The following JAZF1 variants were observed in gnomAD, a reference collection of about 807,000 sequenced individuals.
JAZF1 encodes JAZF zinc finger 1.
A neutral mutation model predicts 26.4 loss-of-function variants in JAZF1; 8 were observed. That is an observed-to-expected ratio of 0.30 (90% CI 0.18 to 0.55). The LOEUF (loss-of-function observed/expected upper bound fraction) is 0.55. Among genes scored for constraint, JAZF1 ranks in the 20% least tolerant of loss-of-function variants. The probability of loss-of-function intolerance (pLI) is 0.94; values close to 1 mark genes in which losing one functional copy is unlikely to be tolerated. For synonymous variants in JAZF1, 126 were observed against 122.3 expected (o/e 1.03, Z -0.20); for missense variants, 199 against 322.0 (o/e 0.62, Z 2.92).
chr7:28,166,607 T>C (rs760104991), intron 1 of JAZF1, among the ~76,000 whole-genome samples: 1 of 152,262 alleles, frequency 6.6e-6, no homozygotes, highest in East Asian at 1.9e-4. Flanking sequence ...TCTGCTTATA[T>C]AGATTAACAA....
intron 2 of JAZF1, among the ~76,000 whole-genome samples, chr7:27,988,011 CCACT>C (rs1227363379): frequency 5.3e-5 from 8 of 152,116 alleles, no homozygotes; most frequent in Non-Finnish European, 1.2e-4. Context: ...AGAGTCATCA[CCACT>C]CCCTAATCTC....
chr7:27,925,489 A>G (rs764920508), intron 2 of JAZF1, among the ~76,000 whole-genome samples: 9 of 152,168 alleles, frequency 5.9e-5, no homozygotes, highest in Non-Finnish European at 1.3e-4. Flanking sequence ...AGTGGCAGTC[A>G]TAGCTCATTG....
At chr7:27,836,080 C>T (rs1782806951) in intron 4 of JAZF1, among the ~76,000 whole-genome samples, 1 of 152,128 alleles carries the variant, frequency 6.6e-6, no homozygotes, top group Non-Finnish European at 1.5e-5. Flanking sequence ...GAATAGGAAC[C>T]CAGGGATGTC....
At chr7:27,913,293 TTG>T (rs886782439) in intron 2 of JAZF1, 495 of 289,700 alleles carry the variant, frequency 1.7e-3, no homozygotes, top group South Asian at 4.2e-3. Context: ...ATATATATAT[TTG>T]TGTGTGTGTG....
Position 27,831,581 on chromosome 7 carries a change from GCA to G in JAZF1, c.*1217_*1218del. 1 of 226,258 alleles carries G rather than the reference GCA, an allele frequency of 4.4e-6. No homozygotes were observed. 14.0% of individuals were successfully genotyped at this position (226,258 alleles called of 1,614,324 possible). A position where few individuals can be genotyped will look rare whatever the true frequency, so the allele number is the denominator to read the frequency against. On this transcript the variant is annotated 3_prime_UTR_variant, in exon 5 of 5. Coordinates refer to ENST00000283928, the MANE Select transcript of JAZF1 (RefSeq NM_175061.4). ...TTTCTTTGACCACCTGCTGCAAGAA[GCA>G]CTTAATTGTCAATAAGGCTCATTTT...
intron 1 of JAZF1, among the ~76,000 whole-genome samples, chr7:28,125,621 C>T (rs1275272182): frequency 6.6e-6 from 1 of 152,026 alleles, no homozygotes; most frequent in Non-Finnish European, 1.5e-5. Flanking sequence ...AATGCTGATA[C>T]AAAAAATCCC....
intron 1 of JAZF1, among the ~76,000 whole-genome samples, chr7:28,050,537 G>A (rs956710969): frequency 4.6e-5 from 7 of 152,078 alleles, no homozygotes; most frequent in African/African-American, 1.2e-4. Context: ...ATTTTTAAAC[G>A]TCCATGTTGT....
At chr7:28,030,936 A>G (rs1783179179) in intron 1 of JAZF1, among the ~76,000 whole-genome samples, 1 of 152,148 alleles carries the variant, frequency 6.6e-6, no homozygotes, top group African/African-American at 2.4e-5. Flanking sequence ...TACATTCATC[A>G]TTTTCATCCT....
chr7:27,943,345 G>T (rs970845496), intron 2 of JAZF1, among the ~76,000 whole-genome samples: 1 of 152,154 alleles, frequency 6.6e-6, no homozygotes, highest in Non-Finnish European at 1.5e-5. Flanking sequence ...AGGGTCGTGG[G>T]AAACAATGCA....
chr7:28,111,667 A>G (rs1784663164), intron 1 of JAZF1, among the ~76,000 whole-genome samples: 1 of 152,210 alleles, frequency 6.6e-6, no homozygotes, highest in African/African-American at 2.4e-5. Context: ...GTGCTCTGTA[A>G]GTATTAGAGG....
intron 2 of JAZF1, among the ~76,000 whole-genome samples, chr7:27,948,873 C>A (rs572693075): frequency 6.6e-6 from 1 of 152,292 alleles, no homozygotes; most frequent in South Asian, 2.1e-4. Context: ...GCGTTCTACC[C>A]TATGTCAGTG....
At chr7:28,065,815 C>T (rs1419915764) in intron 1 of JAZF1, among the ~76,000 whole-genome samples, 2 of 152,022 alleles carry the variant, frequency 1.3e-5, no homozygotes, top group African/African-American at 2.4e-5. Context: ...AACTACAACA[C>T]GTTTTATTTG....
intron 1 of JAZF1, among the ~76,000 whole-genome samples, chr7:28,130,344 T>A: frequency 6.6e-6 from 1 of 152,198 alleles, no homozygotes; most frequent in East Asian, 1.9e-4. Context: ...AATGTTTTTT[T>A]AACCTGCCCT....
chr7:27,879,908 C>G (rs1352947195), intron 3 of JAZF1, among the ~76,000 whole-genome samples: 4 of 152,122 alleles, frequency 2.6e-5, no homozygotes, highest in Non-Finnish European at 4.4e-5. Flanking sequence ...ACAAAAGAGG[C>G]AAAATGTACT....
In JAZF1 at chr7:28,180,730, G is replaced by A. The variant is rs1320142451; in HGVS notation, c.-153C>T. 3.8e-6 allele frequency: 2 copies of A among 519,726 alleles called. No individual in the cohort carries two copies. The highest frequency in any genetic ancestry group is 4.0e-5 in the African/African-American group (2 of 49,932). The allele number at this position is 519,726 out of a possible 1,614,324, so 32.2% of individuals were successfully genotyped here. The stretch of plus-strand genomic sequence containing the variant: ...CGGCGAGGACGGGACGGAGGGAGAG[G>A]GGGCGAGAGAGATGGAAGGAGAGCG... On this transcript the variant is annotated 5_prime_UTR_variant, in exon 1 of 5. Transcript: ENST00000283928.
intron 1 of JAZF1, among the ~76,000 whole-genome samples, chr7:28,011,643 G>C (rs1392043126): frequency 2.6e-5 from 4 of 152,130 alleles, no homozygotes; most frequent in African/African-American, 7.2e-5. Context: ...TTGGTAATCA[G>C]AGCGCAGGGA....
At chr7:28,116,395 T>C (rs950237553) in intron 1 of JAZF1, among the ~76,000 whole-genome samples, 3 of 152,226 alleles carry the variant, frequency 2.0e-5, no homozygotes, top group Admixed American at 6.5e-5. Flanking sequence ...TCTCTTATTA[T>C]GTGTAAGGCT....
In JAZF1 at chr7:28,144,968, C is replaced by G. The variant is rs115992724; in HGVS notation, c.115+35495G>C. ...ACTTTTTCAATTTACTTTTTACTTA[C>G]AGTTAGGAGATGAGATCACTCTCCT... On this transcript the variant is annotated intron_variant, in intron 1 of 4. Transcript: ENST00000283928. Among the ~76,000 whole-genome samples, 1,498 of 152,186 alleles carry G rather than the reference C, an allele frequency of 9.8e-3. 21 individuals are homozygous for G. The highest frequency in any genetic ancestry group is 0.03 in the African/African-American group (1,229 of 41,498).
intron 2 of JAZF1, among the ~76,000 whole-genome samples, chr7:27,988,950 T>C (rs1047991504): frequency 1.1e-4 from 14 of 129,244 alleles, no homozygotes; most frequent in African/African-American, 4.1e-4. Flanking sequence ...AAAAAGTTCA[T>C]ATGGAACCAA....
Sources: allele counts gnomAD v4.1 joint callset (sites outside exome capture counted in the v4.1 genomes callset), GRCh38; gene constraint gnomAD v4.1.1; transcripts MANE v1.5; gene names NCBI Gene and HGNC (gene_info 2026-07-23, HGNC 2026-07-21).